Variants in IGF1R observed in about 807,000 individuals in gnomAD.
IGF1R encodes the protein insulin like growth factor 1 receptor, also known as insulin-like growth factor 1 receptor.
In IGF1R, 44 loss-of-function variants were observed where a neutral mutation model predicts 144.6. The ratio of observed to expected loss-of-function variants is 0.30; its 90% confidence interval spans 0.24 to 0.39. The LOEUF (loss-of-function observed/expected upper bound fraction) is 0.39. Among genes scored for constraint, IGF1R ranks in the 10% least tolerant of loss-of-function variants. The pLI, the probability that IGF1R is intolerant of heterozygous loss-of-function variation, is 1.00. For missense variants in IGF1R, 1,355 were observed against 1,833.7 expected, an observed-to-expected ratio of 0.74 and a Z score of 4.77; for synonymous variants, 795 against 722.8, an observed-to-expected ratio of 1.10 and a Z score of -1.60.
At chr15:98,811,800 C>T (rs1029592844) in intron 2 of IGF1R, among the ~76,000 whole-genome samples, 5 of 151,984 alleles carry the variant, frequency 3.3e-5, no homozygotes, top group Non-Finnish European at 7.4e-5. Context: ...TTGGCGGGCG[C>T]CTGTAGTCCC....
intron 2 of IGF1R, among the ~76,000 whole-genome samples, chr15:98,762,344 C>T (rs2055326727): frequency 6.6e-6 from 1 of 151,062 alleles, no homozygotes; most frequent in Non-Finnish European, 1.5e-5. Context: ...CTCAAGTGAT[C>T]GCCTGCCTCA....
intron 2 of IGF1R, among the ~76,000 whole-genome samples, chr15:98,810,795 G>C (rs959593090): frequency 6.6e-6 from 1 of 151,502 alleles, no homozygotes; most frequent in Admixed American, 6.6e-5. Flanking sequence ...TGATCCGCCC[G>C]CCTCGGCCTC....
chr15:98,744,442 A>T (rs2054816973), intron 2 of IGF1R, among the ~76,000 whole-genome samples: 1 of 152,016 alleles, frequency 6.6e-6, no homozygotes. Context: ...AGCTCTGGAG[A>T]GGGAGGAATA....
At chr15:98,776,184 A>T (rs182150950) in intron 2 of IGF1R, among the ~76,000 whole-genome samples, 1,705 of 150,524 alleles carry the variant, frequency 0.011, 30 homozygotes, top group African/African-American at 0.04. Context: ...TTTATTATTT[A>T]TTTTTTTATT....
chr15:98,774,928 A>G, intron 2 of IGF1R, among the ~76,000 whole-genome samples: 1 of 117,400 alleles, frequency 8.5e-6, no homozygotes, highest in South Asian at 3.7e-4. Context: ...ACATCAGGGA[A>G]CTGGAGGTAG....
intron 2 of IGF1R, among the ~76,000 whole-genome samples, chr15:98,812,206 G>A (rs1266806991): frequency 1.3e-5 from 2 of 152,140 alleles, no homozygotes; most frequent in African/African-American, 4.8e-5. Flanking sequence ...CTTGGGATGC[G>A]GCTGAAGATT....
chr15:98,708,304 T>C (rs1299390866), intron 2 of IGF1R, among the ~76,000 whole-genome samples, 197 bp downstream of exon 2: 3 of 152,194 alleles, frequency 2.0e-5, no homozygotes, highest in Non-Finnish European at 4.4e-5. Flanking sequence ...TCTGGGACTC[T>C]TGGATTGCGG....
At chr15:98,794,469 G>A (rs1318973027) in intron 2 of IGF1R, among the ~76,000 whole-genome samples, 5 of 152,142 alleles carry the variant, frequency 3.3e-5, no homozygotes, top group African/African-American at 7.2e-5. Flanking sequence ...GGAAAACTGC[G>A]CCTTCCATGT....
intron 10 of IGF1R, 120 bp from the exon 11 acceptor site, chr15:98,922,028 A>AG (rs1299173416): frequency 1.9e-5 from 20 of 1,040,036 alleles, no homozygotes; most frequent in Non-Finnish European, 2.7e-5. Flanking sequence ...TTCTTACCTA[A>AG]GGGGGCTCAA....
In IGF1R at chr15:98,840,678, T is replaced by G. The variant is rs1368742118; in HGVS notation, c.641-50647T>G. On this transcript the variant is annotated intron_variant, in intron 2 of 20. Coordinates refer to ENST00000650285, the MANE Select transcript of IGF1R (RefSeq NM_000875.5). ...GGCGGGGTTTTTGTTTTTTGTTTTG[T>G]TTTTTTTTTTTTTTTGAGGTGGAGT... is the stretch of plus-strand genomic sequence containing the variant. Among the ~76,000 whole-genome samples the G allele has an allele frequency of 8.1e-5, 4 of 49,098 alleles. No homozygotes were observed. In the East Asian group the frequency reaches 5.4e-3, roughly 66 times the overall value. The allele number at this position is 49,098 out of a possible 152,430, so 32.2% of individuals were successfully genotyped here.
chr15:98,755,162 C>A (rs968549255), intron 2 of IGF1R, among the ~76,000 whole-genome samples: 5 of 151,688 alleles, frequency 3.3e-5, no homozygotes, highest in Non-Finnish European at 5.9e-5. Context: ...AAAATGAGAT[C>A]ATGCTATTAG....
At chr15:98,897,443 C>G (rs2014256365) in intron 4 of IGF1R, 1 of 164,324 alleles carries the variant, frequency 6.1e-6, no homozygotes, top group African/African-American at 2.4e-5. Context: ...AAGTTTCGGT[C>G]TCACCCCTGT....
At chr15:98,953,555 G>A (rs922983345) in intron 20 of IGF1R, among the ~76,000 whole-genome samples, 2 of 152,146 alleles carry the variant, frequency 1.3e-5, no homozygotes, top group Admixed American at 6.5e-5. Context: ...ACGTAGTGAC[G>A]TAAAAGGTCC....
rs944753193 is a variant in IGF1R at position 98,704,736 on chromosome 15, T to C, written c.95-2826T>C. Among the ~76,000 whole-genome samples the C allele has an allele frequency of 5.9e-5, 9 of 152,140 alleles. No homozygotes were observed. Among genetic ancestry groups the C allele is most frequent in the Admixed American group, 2.6e-4 (4 of 15,278 alleles). ...GAAAAGAAGGGCCAGAGCGGTGTCC[T>C]GCAGAGGGTGGTGTACCTTGGGAGG... On this transcript the variant is annotated intron_variant, in intron 1 of 20. Transcript: ENST00000650285. This position sits in a 1 kb window ranked among gnomAD's most constrained non-coding sequence, Gnocchi z 4.9.
At chr15:98,778,950 T>C (rs1271485783) in intron 2 of IGF1R, among the ~76,000 whole-genome samples, 1 of 152,198 alleles carries the variant, frequency 6.6e-6, no homozygotes, top group African/African-American at 2.4e-5. Context: ...TTCTTATGAA[T>C]AGATATCCAT....
chr15:98,823,422 C>G (rs1196338656), intron 2 of IGF1R, among the ~76,000 whole-genome samples: 2 of 152,238 alleles, frequency 1.3e-5, no homozygotes, highest in African/African-American at 4.8e-5. Flanking sequence ...CAATCAGCAG[C>G]AGACTGCTAG....
intron 4 of IGF1R, chr15:98,897,404 G>A (rs1159305750): frequency 5.5e-6 from 1 of 181,926 alleles, no homozygotes; most frequent in Admixed American, 5.5e-5. Flanking sequence ...AGAGACAAAA[G>A]GATACAAGTG....
intron 5 of IGF1R, among the ~76,000 whole-genome samples, chr15:98,902,709 C>T (rs954537124): frequency 1.3e-5 from 2 of 152,174 alleles, no homozygotes; most frequent in Non-Finnish European, 2.9e-5. Context: ...CCACCACGCC[C>T]GGCCTTCTTG....
chr15:98,801,524 C>T lies in IGF1R; in HGVS notation c.641-89801C>T, dbSNP rs375255940. 2.3e-3 allele frequency among the ~76,000 whole-genome samples: 353 copies of T among 152,318 alleles called. 1 individual carries two copies. The highest frequency in any genetic ancestry group is 8.1e-3 in the African/African-American group (337 of 41,572). On this transcript the variant is annotated intron_variant, in intron 2 of 20. Coordinates refer to ENST00000650285, the MANE Select transcript of IGF1R (RefSeq NM_000875.5). Reference sequence around the variant, plus strand: ...TCCTCACAAAGGGAGCTTTGAGGCCCGGAAGAGGCCTTTCCTTGATGATCG... The same window carrying T: ...TCCTCACAAAGGGAGCTTTGAGGCCTGGAAGAGGCCTTTCCTTGATGATCG...
Sources: gnomAD v4.1 joint callset for allele counts (sites outside exome capture counted in the v4.1 genomes callset) on GRCh38, gnomAD v4.1.1 for gene constraint, Gnocchi (gnomAD v3.1) non-coding constraint, MANE v1.5 for transcripts, NCBI Gene and HGNC (gene_info 2026-07-23, HGNC 2026-07-21) for gene names.